Variants in HMCN2 observed in about 807,000 individuals in gnomAD.
The protein encoded by HMCN2 is hemicentin 2, also known as hemicentin-2.
In HMCN2, 325 loss-of-function variants were observed where a neutral mutation model predicts 377.5. The observed-to-expected ratio is 0.86, with a 90% CI of 0.79 to 0.94. The LOEUF (loss-of-function observed/expected upper bound fraction) is 0.94. Among genes scored for constraint, HMCN2 ranks in the 40% least tolerant of loss-of-function variants. HMCN2 has a pLI of 0.00. For missense variants in HMCN2, 4,543 were observed against 4,725.3 expected (o/e 0.96, Z 1.13); for synonymous variants, 2,007 against 2,046.8 (o/e 0.98, Z 0.53).
At chr9:130,294,202 A>T (rs1344123034) in intron 4 of HMCN2, among the ~76,000 whole-genome samples, 1 of 152,182 alleles carries the variant, frequency 6.6e-6, no homozygotes, top group African/African-American at 2.4e-5. Context: ...TGTGTACCTA[A>T]GGGATAGGAT....
intron 23 of HMCN2, among the ~76,000 whole-genome samples, chr9:130,340,139 G>A: frequency 6.6e-6 from 1 of 152,370 alleles, no homozygotes; most frequent in Non-Finnish European, 1.5e-5. Context: ...CATGTAGGAA[G>A]GACCGAGTGA....
chr9:130,331,400 T>C (rs1305342907), intron 22 of HMCN2, among the ~76,000 whole-genome samples: 1 of 152,200 alleles, frequency 6.6e-6, no homozygotes, highest in African/African-American at 2.4e-5. Flanking sequence ...CCTGTGGGAC[T>C]TATTTTTGAA....
At position 130,360,408 on chromosome 9, in the gene HMCN2, A is replaced by G. The variant is rs1164227395; in HGVS notation, c.5774-20A>G. On this transcript the variant is annotated intron_variant, in intron 37 of 97. Transcript: ENST00000683500. The surrounding 1 kb of genome is among the most constrained non-coding windows in gnomAD (Gnocchi z 4.7). ...GCTTCTCTCTTCCTTTCCCCCTTGC[A>G]TCTCTCTTCCTTTCCCCAGATGTCT... The G allele has an allele frequency of 8.1e-7, 1 of 1,227,786 alleles. No individual in the cohort carries two copies. The highest frequency in any genetic ancestry group is 2.9e-5 in the Admixed American group (1 of 34,452). The allele number at this position is 1,227,786 out of a possible 1,614,324, so 76.1% of individuals were successfully genotyped here. A position where few individuals can be genotyped will look rare whatever the true frequency, so the allele number is the denominator to read the frequency against.
rs1159673464 is a variant in HMCN2, at chr9:130,355,757, C to T, written c.5158C>T (p.Leu1720Phe). 4 of 1,303,322 alleles carry T rather than the reference C, an allele frequency of 3.1e-6. No homozygotes were observed. The highest frequency in any genetic ancestry group is 3.0e-6 in the Non-Finnish European group (3 of 988,812). The allele number at this position is 1,303,322 out of a possible 1,614,324, so 80.7% of individuals were successfully genotyped here. A position where few individuals can be genotyped will look rare whatever the true frequency, so the allele number is the denominator to read the frequency against. ...TGTTCTGCCTGCAGTGCCCCCACAG[C>T]TCCTGGTGGCTGAAGGCTTGGGACA... ...YSVEVQVPPQ[L>F]LVAEGLGQVT... Residue 1720 changes from leucine to phenylalanine, a missense_variant, in exon 33 of 98, where the codon CTC (leucine) becomes TTC (phenylalanine). This residue lies in a region of HMCN2 where 1,032 missense variants were observed against 1,285.1 expected (regional missense o/e 0.80). Coordinates refer to ENST00000683500, the MANE Select transcript of HMCN2 (RefSeq NM_001291815.2).
In HMCN2 at chr9:130,388,434, G is replaced by C; in HGVS notation, c.9417G>C (p.Lys3139Asn). ...TGCCCCCAACATTTGAGAACCCCAA[G>C]ACAGAGACAGTGAGCCAGGTGGCTG... ...VQVPPTFENP[K>N]TETVSQVAGS... Residue 3139 changes from lysine to asparagine, a missense_variant, in exon 62 of 98, where the codon AAG becomes AAC. Around this residue, in one of 5 missense-constraint regions of HMCN2, gnomAD observed 736 missense variants for 773.2 expected, o/e 0.95. Coordinates refer to ENST00000683500, the MANE Select transcript of HMCN2 (RefSeq NM_001291815.2). The C allele has an allele frequency of 2.0e-6, 2 of 988,020 alleles. No homozygotes were observed. The highest frequency in any genetic ancestry group is 9.4e-5 in the South Asian group (2 of 21,384). 61.2% of individuals were successfully genotyped at this position (988,020 alleles called of 1,614,324 possible).
At chr9:130,297,135 G>A (rs2131319789) in intron 7 of HMCN2, among the ~76,000 whole-genome samples, 1 of 152,310 alleles carries the variant, frequency 6.6e-6, no homozygotes, top group South Asian at 2.1e-4. Flanking sequence ...AAACATATCT[G>A]CCTAGAGTCC....
At chr9:130,295,224 C>T (rs550774472) in intron 5 of HMCN2, among the ~76,000 whole-genome samples, 198 bp downstream of exon 5, 44 of 152,210 alleles carry the variant, frequency 2.9e-4, no homozygotes, top group African/African-American at 6.3e-4. Flanking sequence ...CCATAGCAAC[C>T]GGCGATGGGA....
chr9:130,411,399 C>G (rs1051964447), intron 85 of HMCN2, among the ~76,000 whole-genome samples: 2 of 151,838 alleles, frequency 1.3e-5, no homozygotes, highest in Non-Finnish European at 2.9e-5. Context: ...GTCTGGAGTT[C>G]AAGAACAGCC....
chr9:130,370,907 G>C (rs1320934613), intron 45 of HMCN2, 57 bp from the exon 46 acceptor site: 1 of 963,546 alleles, frequency 1.0e-6, no homozygotes, highest in Admixed American at 6.2e-5. Context: ...TGGGGAAGGA[G>C]CATGAAGCAC....
chr9:130,384,470 C>T lies in HMCN2; in HGVS notation c.8928C>T (p.Pro2976=), dbSNP rs902269834. ...GCGACGTCCACGCTCACCCAAACCCCGAGGTCACGTGGTACAAGGACAGCC... is the reference window on the plus strand; with the variant it reads ...GCGACGTCCACGCTCACCCAAACCCTGAGGTCACGTGGTACAAGGACAGCC... ...LPCDVHAHPN[P]EVTWYKDSQA... The change falls in exon 58 of 98, where the codon CCC becomes CCT. Residue 2976 remains proline, a synonymous_variant. Coordinates refer to ENST00000683500, the MANE Select transcript of HMCN2 (RefSeq NM_001291815.2). 21 of 1,304,114 alleles carry T rather than the reference C, an allele frequency of 1.6e-5. No individual in the cohort carries two copies. Among genetic ancestry groups the T allele is most frequent in the South Asian group, 7.4e-5 (6 of 81,026 alleles). 80.8% of individuals were successfully genotyped at this position (1,304,114 alleles called of 1,614,324 possible).
In HMCN2 at chr9:130,357,156, G is replaced by A. The variant is rs911328053; in HGVS notation, c.5426-678G>A. Among the ~76,000 whole-genome samples the A allele has an allele frequency of 2.7e-5, 4 of 149,336 alleles. No homozygotes were observed. In the South Asian group the frequency reaches 8.4e-4, roughly 31 times the overall value. On this transcript the variant is annotated intron_variant, in intron 34 of 97. Transcript: ENST00000683500. ...TGGGTGGATAGAAGGGTGGATGGAT[G>A]GGTAAATGGATAGATGGGTAAATGG...
intron 15 of HMCN2, among the ~76,000 whole-genome samples, chr9:130,313,559 C>T (rs2131375472): frequency 6.6e-6 from 1 of 151,964 alleles, no homozygotes; most frequent in African/African-American, 2.4e-5. Flanking sequence ...TGAGAATGTG[C>T]TTCACTTAGG....
At chr9:130,359,783 T>C (rs544605495) in intron 37 of HMCN2, among the ~76,000 whole-genome samples, 4 of 152,218 alleles carry the variant, frequency 2.6e-5, no homozygotes, top group Non-Finnish European at 4.4e-5. Flanking sequence ...GGTGTTTGCA[T>C]AGGGGACTGG....
intron 62 of HMCN2, among the ~76,000 whole-genome samples, chr9:130,389,488 C>A (rs998490464): frequency 1.3e-5 from 2 of 152,126 alleles, no homozygotes; most frequent in African/African-American, 4.8e-5. Flanking sequence ...TTAATGGCAT[C>A]ATAGAGTGTG....
In HMCN2 at chr9:130,357,951, A is replaced by T; in HGVS notation, c.5543A>T (p.Asp1848Val). Residue 1848 changes from aspartate (D) to valine (V), a missense_variant, in exon 35 of 98, where the codon GAT becomes GTT. By Grantham distance (152) the Asp-to-Val change is radical (BLOSUM62 -3). Coordinates refer to ENST00000683500, the MANE Select transcript of HMCN2 (RefSeq NM_001291815.2). ...ACCCCAAGCCTCCGTTGGTGGAAGG[A>T]TGGTGTAGCCCTGGCAGCCTTTGGG... Reference protein sequence around the residue: ...VPTPSLRWWKDGVALAAFGGN... With the variant: ...VPTPSLRWWKVGVALAAFGGN... 1 of 1,304,128 alleles carries T rather than the reference A, an allele frequency of 7.7e-7. No individual in the cohort carries two copies. 80.8% of individuals were successfully genotyped at this position (1,304,128 alleles called of 1,614,324 possible).
rs1251568245 is a variant in HMCN2 at position 130,424,909 on chromosome 9, T to C, written c.13515T>C (p.Ala4505=). The change falls in exon 88 of 98, where the codon GCT becomes GCC. Residue 4505 remains alanine (A), a synonymous_variant. Coordinates refer to ENST00000683500, the MANE Select transcript of HMCN2 (RefSeq NM_001291815.2). ...GGCAGGAGTCACACGTGGAGTTTGC[T>C]ACAGGTAAACAGGGCCTCCCCCAGG... ...RFRQESHVEF[A]TGELLTMTQV... 1 of 1,461,284 alleles carries C rather than the reference T, an allele frequency of 6.8e-7. No individual in the cohort carries two copies. The highest frequency in any genetic ancestry group is 9.1e-7 in the Non-Finnish European group (1 of 1,100,896). 90.5% of individuals were successfully genotyped at this position (1,461,284 alleles called of 1,614,324 possible). A position where few individuals can be genotyped will look rare whatever the true frequency, so the allele number is the denominator to read the frequency against.
intron 60 of HMCN2, among the ~76,000 whole-genome samples, chr9:130,386,217 A>G (rs912396140): frequency 6.6e-6 from 1 of 152,096 alleles, no homozygotes; most frequent in Non-Finnish European, 1.5e-5. Flanking sequence ...TGGCCCAGGG[A>G]GGGAGGTCCC....
At position 130,371,003 on chromosome 9, in the gene HMCN2, A is replaced by G; in HGVS notation, c.7109A>G (p.Asn2370Ser). 1 of 986,120 alleles carries G rather than the reference A, an allele frequency of 1.0e-6. No individual in the cohort carries two copies. Among genetic ancestry groups the G allele is most frequent in the South Asian group, 4.7e-5 (1 of 21,292 alleles). The allele number at this position is 986,120 out of a possible 1,614,324, so 61.1% of individuals were successfully genotyped here. Residue 2370 changes from asparagine to serine, a missense_variant, in exon 46 of 98, where the codon AAC becomes AGC. Physicochemically the swap from Asn to Ser is conservative, Grantham distance 46. Around this residue, in one of 5 missense-constraint regions of HMCN2, gnomAD observed 1,032 missense variants for 1,285.1 expected, o/e 0.80. Coordinates refer to ENST00000683500, the MANE Select transcript of HMCN2 (RefSeq NM_001291815.2). ...ATTGGAGACTTGGACCCGCTGACCAACATCACTGCTGCCTTGCACAGCCCC... is the reference window on the plus strand; with the variant it reads ...ATTGGAGACTTGGACCCGCTGACCAGCATCACTGCTGCCTTGCACAGCCCC... ...ELIGDLDPLTNITAALHSPLT... is the reference protein window; with the variant it reads ...ELIGDLDPLTSITAALHSPLT...
At chr9:130,416,265 C>T (rs911611699) in intron 85 of HMCN2, among the ~76,000 whole-genome samples, 74 of 152,114 alleles carry the variant, frequency 4.9e-4, no homozygotes, top group Middle Eastern at 3.4e-3. Context: ...CCACCTTGTC[C>T]AGCTAATTTT....
Sources: allele counts gnomAD v4.1 joint callset (sites outside exome capture counted in the v4.1 genomes callset), GRCh38; gene constraint gnomAD v4.1.1; regional missense constraint gnomAD v4.1.1; non-coding constraint Gnocchi (gnomAD v3.1); transcripts MANE v1.5; gene names NCBI Gene and HGNC (gene_info 2026-07-23, HGNC 2026-07-21).